TSHZ1: variants seen among roughly 807,000 people sequenced by gnomAD.
TSHZ1 encodes teashirt homolog 1.
A neutral mutation model predicts 67.1 loss-of-function variants in TSHZ1; 12 were observed. The ratio of observed to expected loss-of-function variants is 0.18; its 90% CI spans 0.11 to 0.29. TSHZ1 has a LOEUF of 0.29. TSHZ1 is among the 10% of genes least tolerant of loss of function. The pLI is 1.00. For missense variants in TSHZ1, 1,305 were observed against 1,413.9 expected (o/e 0.92, Z 1.23); for synonymous variants, 632 against 622.4 (o/e 1.02, Z -0.23).
chr18:75,218,529 A>T (rs900185360), intron 1 of TSHZ1, among the ~76,000 whole-genome samples: 2 of 152,240 alleles, frequency 1.3e-5, no homozygotes, highest in African/African-American at 2.4e-5. Flanking sequence ...GGCCAGGTCT[A>T]GAACAATCTT....
Position 75,287,190 on chromosome 18 carries a change from G to T in TSHZ1, c.1783G>T (p.Ala595Ser), listed in dbSNP as rs775395170. Reference protein sequence around the residue: ...LPGTVKPLPAAVQSVQVQPSY... With the variant: ...LPGTVKPLPASVQSVQVQPSY... The stretch of plus-strand genomic sequence containing the variant: ...GGGCACCGTGAAGCCACTGCCGGCG[G>T]CCGTGCAGAGCGTGCAGGTGCAGCC... Residue 595 changes from alanine (A) to serine (S), a missense_variant, in exon 2 of 2, where the codon GCC (alanine) becomes TCC (serine). This residue lies in a region of TSHZ1 where 909 missense variants were observed against 961.8 expected (regional missense o/e 0.95). Coordinates refer to ENST00000580243, the MANE Select transcript of TSHZ1 (RefSeq NM_001308210.2). The surrounding 1 kb of genome is among the most constrained non-coding windows in gnomAD (Gnocchi z 5.0). The T allele has an allele frequency of 5.6e-6, 9 of 1,613,484 alleles. No individual in the cohort carries two copies. Among genetic ancestry groups the T allele is most frequent in the Non-Finnish European group, 7.6e-6 (9 of 1,179,872 alleles).
At chr18:75,245,066 C>T (rs368581236) in intron 1 of TSHZ1, among the ~76,000 whole-genome samples, 7 of 152,104 alleles carry the variant, frequency 4.6e-5, no homozygotes, top group South Asian at 2.1e-4. Context: ...AGTTAATGAA[C>T]GAGTTGCAGT....
At chr18:75,217,718 G>T (rs1382124251) in intron 1 of TSHZ1, among the ~76,000 whole-genome samples, 1 of 152,130 alleles carries the variant, frequency 6.6e-6, no homozygotes, top group African/African-American at 2.4e-5. Flanking sequence ...GTTTCTACCT[G>T]CATGGCGTGT....
intron 1 of TSHZ1, among the ~76,000 whole-genome samples, chr18:75,251,085 A>C (rs759251318): frequency 3.3e-5 from 5 of 152,144 alleles, no homozygotes; most frequent in Non-Finnish European, 5.9e-5. Flanking sequence ...GTGTTCTTCT[A>C]TTTCTTTTTA....
intron 1 of TSHZ1, among the ~76,000 whole-genome samples, chr18:75,250,391 C>G (rs555408012): frequency 2.7e-4 from 41 of 152,350 alleles, no homozygotes; most frequent in African/African-American, 8.9e-4. Flanking sequence ...TTTGCCTCCC[C>G]CTGTGGGCTC....
At chr18:75,267,841 G>A (rs924261668) in intron 1 of TSHZ1, among the ~76,000 whole-genome samples, 2 of 152,120 alleles carry the variant, frequency 1.3e-5, no homozygotes, top group African/African-American at 4.8e-5. Flanking sequence ...TCGTCTCCTC[G>A]ACACAGGGCA....
chr18:75,228,364 C>T (rs2022952920), intron 1 of TSHZ1, among the ~76,000 whole-genome samples: 3 of 152,206 alleles, frequency 2.0e-5, no homozygotes, highest in African/African-American at 7.2e-5. Flanking sequence ...CCAGATGGAT[C>T]TCCTCCTCGC....
rs2023780185 is a variant in TSHZ1 at position 75,287,036 on chromosome 18, C to T, written c.1629C>T (p.Asp543=). 1 of 1,614,002 alleles carries T rather than the reference C, an allele frequency of 6.2e-7. No individual in the cohort carries two copies. Among genetic ancestry groups the T allele is most frequent in the Non-Finnish European group, 8.5e-7 (1 of 1,180,000 alleles). ...YPYLREEDLD[D]SPKGGLDILK... ...ACCTGCGTGAGGAGGACCTGGACGA[C>T]AGCCCCAAGGGAGGGCTGGACATTC... Residue 543 remains aspartate, a synonymous_variant, in exon 2 of 2, where the codon GAC becomes GAT. Transcript: ENST00000580243. The surrounding 1 kb of genome is among the most constrained non-coding windows in gnomAD (Gnocchi z 5.0).
In TSHZ1 at chr18:75,223,461, T is replaced by C. The variant is rs73971564; in HGVS notation, c.40+11545T>C. Reference sequence around the variant, plus strand: ...AACTGCTGATTTTAGAGAGAGGGAGTTGCAGGCCAGGATCCCCTTCTGTTT... The same window carrying C: ...AACTGCTGATTTTAGAGAGAGGGAGCTGCAGGCCAGGATCCCCTTCTGTTT... On this transcript the variant is annotated intron_variant, in intron 1 of 1. Transcript: ENST00000580243. 7.3e-3 allele frequency among the ~76,000 whole-genome samples: 1,117 copies of C among 152,186 alleles called. 16 individuals are homozygous for C. Among genetic ancestry groups the C allele is most frequent in the African/African-American group, 0.025 (1,023 of 41,520 alleles).
At chr18:75,228,431 T>G (rs892128705) in intron 1 of TSHZ1, among the ~76,000 whole-genome samples, 3 of 152,198 alleles carry the variant, frequency 2.0e-5, no homozygotes, top group Admixed American at 1.3e-4. Flanking sequence ...GAGCTCACCA[T>G]TATCAGGGCA....
chr18:75,287,862 C>G lies in TSHZ1; in HGVS notation c.2455C>G (p.Pro819Ala). 1 of 1,614,164 alleles carries G rather than the reference C, an allele frequency of 6.2e-7. No homozygotes were observed. The highest frequency in any genetic ancestry group is 8.5e-7 in the Non-Finnish European group (1 of 1,180,042). Reference sequence around the variant, plus strand: ...TGACTTAACCAAGTCCAAGAACAAGCCGCTGGTGTCCAGCGTGGCTGATTC... The same window carrying G: ...TGACTTAACCAAGTCCAAGAACAAGGCGCTGGTGTCCAGCGTGGCTGATTC... The part of the protein sequence containing the change: ...PIDLTKSKNK[P>A]LVSSVADSVA... Residue 819 changes from proline to alanine, a missense_variant, in exon 2 of 2, where the codon CCG (proline) becomes GCG (alanine). Pro to Ala is a conservative substitution (Grantham distance 27). This residue lies in a region of TSHZ1 where 909 missense variants were observed against 961.8 expected (regional missense o/e 0.95). Transcript: ENST00000580243. This position sits in a 1 kb window ranked among gnomAD's most constrained non-coding sequence, Gnocchi z 5.0.
rs150162229 is a variant in TSHZ1 at position 75,269,065 on chromosome 18, G to A, written c.41-16383G>A. Among the ~76,000 whole-genome samples the A allele has an allele frequency of 3.7e-3, 568 of 152,230 alleles. 10 individuals are homozygous for A. Among genetic ancestry groups the A allele is most frequent in the Admixed American group, 0.034 (515 of 15,300 alleles). On this transcript the variant is annotated intron_variant, in intron 1 of 1. Transcript: ENST00000580243. Reference sequence around the variant, plus strand: ...TAGGTGGCCAGCATACTGGAAATACGATTTTTAAAAAAGTCTCCTGAAACA... The same window carrying A: ...TAGGTGGCCAGCATACTGGAAATACAATTTTTAAAAAAGTCTCCTGAAACA...
intron 1 of TSHZ1, among the ~76,000 whole-genome samples, chr18:75,276,329 T>C (rs1201941048): frequency 6.6e-6 from 1 of 151,712 alleles, no homozygotes; most frequent in Non-Finnish European, 1.5e-5. Context: ...AAAAGTAGCC[T>C]TTCAGCTTTG....
intron 1 of TSHZ1, among the ~76,000 whole-genome samples, chr18:75,271,975 C>T (rs1407286104): frequency 6.6e-6 from 1 of 152,186 alleles, no homozygotes; most frequent in Non-Finnish European, 1.5e-5. Context: ...GTATGGAAGT[C>T]AGTTATGTGG....
chr18:75,286,554 C>A lies in TSHZ1; in HGVS notation c.1147C>A (p.Gln383Lys), dbSNP rs776251738. ...EVALSESAKD[Q>K]KAANPYVTPN... is the part of the protein sequence containing the mutation. ...GGCCCTGAGTGAGTCAGCCAAGGAT[C>A]AGAAAGCAGCGAACCCGTACGTCAC... is the stretch of plus-strand genomic sequence containing the variant. The change falls in exon 2 of 2, where the codon CAG becomes AAG. Residue 383 changes from glutamine (Q) to lysine (K), a missense_variant. Around this residue, in one of 3 missense-constraint regions of TSHZ1, gnomAD observed 909 missense variants for 961.8 expected, o/e 0.95. Transcript: ENST00000580243. The surrounding 1 kb of genome is among the most constrained non-coding windows in gnomAD (Gnocchi z 5.1). The A allele has an allele frequency of 1.2e-6, 2 of 1,614,216 alleles. No individual in the cohort carries two copies. Among genetic ancestry groups the A allele is most frequent in the South Asian group, 2.2e-5 (2 of 91,086 alleles).
At chr18:75,250,061 T>G (rs2023279022) in intron 1 of TSHZ1, among the ~76,000 whole-genome samples, 2 of 134,480 alleles carry the variant, frequency 1.5e-5, no homozygotes, top group Admixed American at 7.4e-5. Flanking sequence ...AGGTGGGGGG[T>G]GGGGGTGACT....
intron 1 of TSHZ1, among the ~76,000 whole-genome samples, chr18:75,236,408 T>C (rs1599032835): frequency 6.6e-6 from 1 of 152,206 alleles, no homozygotes; most frequent in South Asian, 2.1e-4. Flanking sequence ...AGCTGTCAGG[T>C]GCACCTTTTC....
At chr18:75,267,035 G>A (rs1158937141) in intron 1 of TSHZ1, among the ~76,000 whole-genome samples, 2 of 152,112 alleles carry the variant, frequency 1.3e-5, no homozygotes, top group African/African-American at 4.8e-5. Flanking sequence ...TAGCCAAAAA[G>A]TTTTTATTTC....
At position 75,210,887 on chromosome 18, in the gene TSHZ1, A is replaced by G. The variant is rs1479580515; in HGVS notation, c.-990A>G. 1 of 95,136 alleles carries G rather than the reference A, an allele frequency of 1.1e-5. No homozygotes were observed. Among genetic ancestry groups the G allele is most frequent in the East Asian group, 3.1e-4 (1 of 3,254 alleles). The allele number at this position is 95,136 out of a possible 1,614,324, so 5.9% of individuals were successfully genotyped here. On this transcript the variant is annotated 5_prime_UTR_variant, in exon 1 of 2. Coordinates refer to ENST00000580243, the MANE Select transcript of TSHZ1 (RefSeq NM_001308210.2). ...GCGAGAGTGCATCTCCCTCTCTCCC[A>G]GGAGTTTGAGGGGGGGGGGGACAGT...
Sources: allele counts gnomAD v4.1 joint callset (sites outside exome capture counted in the v4.1 genomes callset), GRCh38; gene constraint gnomAD v4.1.1; regional missense constraint gnomAD v4.1.1; non-coding constraint Gnocchi (gnomAD v3.1); transcripts MANE v1.5; gene names NCBI Gene and HGNC (gene_info 2026-07-23, HGNC 2026-07-21).